Variants in HAO1 observed in about 807,000 individuals in gnomAD.
The protein encoded by HAO1 is 2-Hydroxyacid oxidase 1.
HAO1 carries 34 observed loss-of-function variants against 39.7 expected under a neutral mutation model. The ratio of observed to expected loss-of-function variants is 0.86; its 90% CI spans 0.65 to 1.14. HAO1 has a LOEUF of 1.14. HAO1 is among the 50% of genes most tolerant of loss of function. The probability of loss-of-function intolerance (pLI) is 0.00; values close to 1 mark genes in which losing one functional copy is unlikely to be tolerated. For synonymous variants in HAO1, 172 were observed against 173.2 expected, an observed-to-expected ratio of 0.99 and a Z score of 0.05; for missense variants, 479 against 464.5, an observed-to-expected ratio of 1.03 and a Z score of -0.29.
At chr20:7,902,549 C>G (rs2050225699) in intron 4 of HAO1, among the ~76,000 whole-genome samples, 1 of 152,122 alleles carries the variant, frequency 6.6e-6, no homozygotes, top group African/African-American at 2.4e-5. Context: ...TTCATATGCA[C>G]TGGGAAGACA....
intron 2 of HAO1, among the ~76,000 whole-genome samples, chr20:7,927,680 A>G (rs76868951): frequency 2.7e-3 from 411 of 152,306 alleles, no homozygotes; most frequent in Middle Eastern, 0.014. Context: ...TGATTTCCCA[A>G]TTAATTTCAC....
intron 2 of HAO1, among the ~76,000 whole-genome samples, chr20:7,917,512 C>G (rs541023450): frequency 6.6e-6 from 1 of 152,110 alleles, no homozygotes; most frequent in South Asian, 2.1e-4. Flanking sequence ...TAAATGTACT[C>G]CCTCAATATT....
intron 3 of HAO1, among the ~76,000 whole-genome samples, chr20:7,909,958 C>T (rs2050269906): frequency 6.6e-6 from 1 of 152,144 alleles, no homozygotes; most frequent in African/African-American, 2.4e-5. Context: ...GTAATTTCTT[C>T]CTCAATGTGG....
At chr20:7,901,021 C>T (rs757868560) in intron 4 of HAO1, among the ~76,000 whole-genome samples, 3 of 152,180 alleles carry the variant, frequency 2.0e-5, no homozygotes, top group Non-Finnish European at 4.4e-5. Context: ...CCACCATTCT[C>T]CCTTAAACCA....
chr20:7,932,599 G>A (rs1482781829), intron 2 of HAO1, among the ~76,000 whole-genome samples: 1 of 151,970 alleles, frequency 6.6e-6, no homozygotes, highest in South Asian at 2.1e-4. Context: ...TGTATTTTAG[G>A]ACCTGACTAT....
intron 3 of HAO1, among the ~76,000 whole-genome samples, chr20:7,907,626 C>T (rs2050254560): frequency 6.6e-6 from 1 of 152,178 alleles, no homozygotes; most frequent in African/African-American, 2.4e-5. Flanking sequence ...TGAGTTGCTT[C>T]CTTCCCGTAT....
intron 3 of HAO1, among the ~76,000 whole-genome samples, chr20:7,913,174 T>TC (rs1048773964): frequency 6.6e-6 from 1 of 151,136 alleles, no homozygotes; most frequent in South Asian, 2.1e-4. Context: ...TTTTTTGTTT[T>TC]TTTTTTTTTT....
intron 3 of HAO1, among the ~76,000 whole-genome samples, chr20:7,911,686 C>T (rs1036476109): frequency 2.0e-5 from 3 of 152,168 alleles, no homozygotes; most frequent in Non-Finnish European, 4.4e-5. Flanking sequence ...TGCCAAGAGA[C>T]AGGACCCTCC....
At chr20:7,936,113 T>C (rs2050408948) in intron 1 of HAO1, among the ~76,000 whole-genome samples, 1 of 152,220 alleles carries the variant, frequency 6.6e-6, no homozygotes, top group Non-Finnish European at 1.5e-5. Context: ...GGGTCTGTAA[T>C]CTAACCCTTC....
chr20:7,883,740 G>A lies in HAO1; in HGVS notation c.1043-77C>T. ...GCAGGTAATCGTTTTCCCAAGGAAT[G>A]TAAAATTTGACAAATGTAAGGTTTA... is the stretch of plus-strand genomic sequence containing the variant. On this transcript the variant is annotated intron_variant, in intron 7 of 7. Transcript: ENST00000378789. 6 of 1,196,456 alleles carry A rather than the reference G, an allele frequency of 5.0e-6. No individual in the cohort carries two copies. The South Asian group carries it at 7.3e-5, about 14-fold the overall frequency. 74.1% of individuals were successfully genotyped at this position (1,196,456 alleles called of 1,614,324 possible).
chr20:7,920,384 A>G (rs893481699), intron 2 of HAO1, among the ~76,000 whole-genome samples: 1 of 152,160 alleles, frequency 6.6e-6, no homozygotes, highest in Non-Finnish European at 1.5e-5. Context: ...TAGCAGTGTG[A>G]AAGTGGACTA....
At chr20:7,913,085 T>A (rs1037971116) in intron 3 of HAO1, among the ~76,000 whole-genome samples, 42 of 152,168 alleles carry the variant, frequency 2.8e-4, no homozygotes, top group Non-Finnish European at 8.8e-5. Flanking sequence ...CATTTTTTAA[T>A]ATTTTAGAAG....
At chr20:7,885,616 G>C in intron 6 of HAO1, 26 bp from the exon 7 acceptor site, 5 of 1,569,906 alleles carry the variant, frequency 3.2e-6, no homozygotes, top group Non-Finnish European at 3.5e-6. Context: ...GATACAGAGT[G>C]ATTCAGAACT....
intron 2 of HAO1, among the ~76,000 whole-genome samples, chr20:7,932,472 C>CA (rs1300764032): frequency 2.0e-5 from 3 of 152,072 alleles, no homozygotes; most frequent in Non-Finnish European, 4.4e-5. Context: ...TTCCTCCTTA[C>CA]AAAATAATTC....
chr20:7,894,812 C>T (rs1263793223), intron 5 of HAO1, among the ~76,000 whole-genome samples: 1 of 152,146 alleles, frequency 6.6e-6, no homozygotes, highest in Non-Finnish European at 1.5e-5. Context: ...TGGCATAATC[C>T]TTTCTTTCAT....
In HAO1 at chr20:7,936,503, CGTGTGTGTGTGTGTGT is replaced by C. The variant is rs71183082; in HGVS notation, c.138-1884_138-1869del. ...ACAAGCAAATCTGCAGGGCAGCAGC[CGTGTGTGTGTGTGTGT>C]GTGTGTGTGTGTGTGTGTGTGTGTG... is the stretch of plus-strand genomic sequence containing the variant. On this transcript the variant is annotated intron_variant, in intron 1 of 7. Transcript: ENST00000378789. 4.8e-4 allele frequency among the ~76,000 whole-genome samples: 52 copies of C among 109,164 alleles called. No individual in the cohort carries two copies. The South Asian group carries it at 0.015, about 31-fold the overall frequency. 71.6% of individuals were successfully genotyped at this position (109,164 alleles called of 152,430 possible).
At chr20:7,902,090 T>G (rs2050223693) in intron 4 of HAO1, among the ~76,000 whole-genome samples, 1 of 152,262 alleles carries the variant, frequency 6.6e-6, no homozygotes, top group South Asian at 2.1e-4. Flanking sequence ...AATCAACTCC[T>G]GGTGAAGATG....
At chr20:7,884,741 G>T (rs1444102047) in intron 7 of HAO1, among the ~76,000 whole-genome samples, 3 of 152,170 alleles carry the variant, frequency 2.0e-5, no homozygotes, top group Non-Finnish European at 4.4e-5. Context: ...ACCATATGAG[G>T]CCTTGTAAAC....
intron 2 of HAO1, among the ~76,000 whole-genome samples, chr20:7,923,114 C>G (rs953686787): frequency 6.6e-6 from 1 of 152,104 alleles, no homozygotes; most frequent in African/African-American, 2.4e-5. Context: ...GCTAAATTTC[C>G]TATACTATGG....
Sources: gnomAD v4.1 joint callset for allele counts (sites outside exome capture counted in the v4.1 genomes callset) on GRCh38, gnomAD v4.1.1 for gene constraint, MANE v1.5 for transcripts, NCBI Gene and HGNC (gene_info 2026-07-23, HGNC 2026-07-21) for gene names.